QTMAN: variants seen among roughly 807,000 people sequenced by gnomAD.
QTMAN encodes the protein tRNA-queuosine alpha-mannosyltransferase.
the QTMAN span, among the ~76,000 whole-genome samples, chr2:144,092,870 GGTGTGTGTGTGT>G: frequency 2.1e-4 from 30 of 140,724 alleles, no homozygotes; most frequent in East Asian, 1.3e-3. Flanking sequence ...AAACTTTTGG[GGTGTGTGTGTGT>G]GTGTGTGTGT....
chr2:144,107,649 A>G, the QTMAN span, among the ~76,000 whole-genome samples: 1 of 152,210 alleles, frequency 6.6e-6, no homozygotes, highest in Non-Finnish European at 1.5e-5. Flanking sequence ...GACCAGATGG[A>G]TTCACAGCCG....
the QTMAN span, among the ~76,000 whole-genome samples, chr2:144,317,108 TAG>T: frequency 5.1e-4 from 77 of 152,176 alleles, no homozygotes; most frequent in African/African-American, 1.7e-3. Context: ...AATCCAAAAA[TAG>T]AGTGTTCATC....
the QTMAN span, among the ~76,000 whole-genome samples, chr2:143,947,326 CGTT>C: frequency 2.6e-5 from 4 of 152,092 alleles, no homozygotes; most frequent in Non-Finnish European, 4.4e-5. Flanking sequence ...TCTAAAGTGT[CGTT>C]GTATTTCCAA....
At chr2:144,229,186 T>C in the QTMAN span, among the ~76,000 whole-genome samples, 1 of 152,226 alleles carries the variant, frequency 6.6e-6, no homozygotes. Context: ...ACAATAATCA[T>C]TCTCTATGTA....
the QTMAN span, among the ~76,000 whole-genome samples, chr2:144,307,178 A>C: frequency 3.5e-5 from 5 of 140,852 alleles, no homozygotes; most frequent in East Asian, 4.4e-4. Flanking sequence ...AAAAAAAAAA[A>C]AAAAACAATT....
chr2:144,097,496 T>C, the QTMAN span, among the ~76,000 whole-genome samples: 1 of 152,142 alleles, frequency 6.6e-6, no homozygotes, highest in African/African-American at 2.4e-5. Context: ...GTGTGTCTGT[T>C]TGAGTTTGAA....
the QTMAN span, among the ~76,000 whole-genome samples, chr2:144,028,097 C>T: frequency 3.3e-5 from 5 of 152,048 alleles, no homozygotes; most frequent in Non-Finnish European, 5.9e-5. Flanking sequence ...GGAAGGATAA[C>T]AAAAGTCATA....
chr2:144,148,658 C>G, the QTMAN span, among the ~76,000 whole-genome samples: 1 of 151,804 alleles, frequency 6.6e-6, no homozygotes, highest in African/African-American at 2.4e-5. Flanking sequence ...GAGCCCTTCA[C>G]TCTATTTCTA....
At chr2:144,050,691 A>G in the QTMAN span, among the ~76,000 whole-genome samples, 2 of 152,198 alleles carry the variant, frequency 1.3e-5, no homozygotes, top group Admixed American at 6.5e-5. Flanking sequence ...TAATTCTTAT[A>G]GAAATCTGTA....
chr2:144,229,658 G>C, the QTMAN span, among the ~76,000 whole-genome samples: 1 of 152,098 alleles, frequency 6.6e-6, no homozygotes, highest in Non-Finnish European at 1.5e-5. Flanking sequence ...TCCTAAAATA[G>C]AATTATAGAA....
the QTMAN span, among the ~76,000 whole-genome samples, chr2:144,004,906 G>T: frequency 6.6e-6 from 1 of 151,968 alleles, no homozygotes; most frequent in Non-Finnish European, 1.5e-5. Flanking sequence ...TTTTTTGCCC[G>T]AAGGCTTTAC....
At chr2:143,943,621 A>G in the QTMAN span, 1 of 152,234 alleles carries the variant, frequency 6.6e-6, no homozygotes, top group East Asian at 1.9e-4. Flanking sequence ...CACCTTCAAC[A>G]TAAAATGAAA....
At chr2:144,015,340 G>T in the QTMAN span, among the ~76,000 whole-genome samples, 2 of 152,274 alleles carry the variant, frequency 1.3e-5, no homozygotes, top group Admixed American at 1.3e-4. Context: ...ACTGAAAACA[G>T]GAAATCTTTA....
At chr2:144,152,011 C>T in the QTMAN span, among the ~76,000 whole-genome samples, 1 of 152,162 alleles carries the variant, frequency 6.6e-6, no homozygotes, top group African/African-American at 2.4e-5. Context: ...AAAGGAAACA[C>T]AGTCATTTAA....
the QTMAN span, chr2:143,957,198 G>T: frequency 6.3e-7 from 1 of 1,584,870 alleles, no homozygotes; most frequent in Non-Finnish European, 8.6e-7. Context: ...AACTTACATT[G>T]CCACTCCAAA....
chr2:144,073,253 T>C, the QTMAN span, among the ~76,000 whole-genome samples: 92 of 148,782 alleles, frequency 6.2e-4, no homozygotes, highest in Admixed American at 5.3e-3. Context: ...TATATATTTA[T>C]ATATATATCA....
chr2:143,998,105 A>G, the QTMAN span, among the ~76,000 whole-genome samples: 3 of 152,080 alleles, frequency 2.0e-5, no homozygotes, highest in Admixed American at 1.3e-4. Flanking sequence ...TTTGGAGGAA[A>G]CTGCCTTTCA....
chr2:144,241,099 GA>G, the QTMAN span, among the ~76,000 whole-genome samples: 1 of 152,200 alleles, frequency 6.6e-6, no homozygotes, highest in Admixed American at 6.5e-5. Flanking sequence ...AAATATGCCA[GA>G]AAGCACTGGT....
At chr2:144,068,813 G>C in the QTMAN span, among the ~76,000 whole-genome samples, 1 of 152,158 alleles carries the variant, frequency 6.6e-6, no homozygotes, top group South Asian at 2.1e-4. Context: ...TTGTGAATTA[G>C]AATAAGGTCA....
Sources: gnomAD v4.1 joint callset for allele counts (sites outside exome capture counted in the v4.1 genomes callset) on GRCh38, gnomAD v4.1.1 for gene constraint, MANE v1.5 for transcripts, NCBI Gene and HGNC (gene_info 2026-07-23, HGNC 2026-07-21) for gene names.